The following TJP1 variants were observed in gnomAD, a reference collection of about 807,000 sequenced individuals.
TJP1 encodes the protein tight junction protein 1.
A neutral mutation model predicts 194.2 loss-of-function variants in TJP1; 43 were observed. The ratio of observed to expected loss-of-function variants is 0.22; its 90% CI spans 0.17 to 0.29. The LOEUF (loss-of-function observed/expected upper bound fraction) is 0.29. Among genes scored for constraint, TJP1 ranks in the 10% least tolerant of loss-of-function variants. TJP1 has a pLI of 1.00. For missense variants in TJP1, 1,971 were observed against 2,185.7 expected (o/e 0.90, Z 1.96); for synonymous variants, 801 against 779.0 (o/e 1.03, Z -0.47).
chr15:29,757,579 T>A (rs530554714), intron 8 of TJP1, among the ~76,000 whole-genome samples: 4 of 152,208 alleles, frequency 2.6e-5, no homozygotes, highest in African/African-American at 9.6e-5. Flanking sequence ...AGATTCAACT[T>A]TGGGGTGGAA....
chr15:29,929,479 A>G (rs966807654), intron 2 of TJP1, among the ~76,000 whole-genome samples: 1 of 152,130 alleles, frequency 6.6e-6, no homozygotes, highest in Admixed American at 6.5e-5. Context: ...AGTGGATGAC[A>G]TGAGGTCAGA....
intron 2 of TJP1, among the ~76,000 whole-genome samples, chr15:29,774,433 T>C (rs1225484077): frequency 6.6e-6 from 1 of 152,186 alleles, no homozygotes; most frequent in African/African-American, 2.4e-5. Context: ...TAAAAAGGAA[T>C]GAAGTACTCA....
At chr15:29,721,288 G>C (rs1045368928) in intron 18 of TJP1, among the ~76,000 whole-genome samples, 1 of 152,190 alleles carries the variant, frequency 6.6e-6, no homozygotes, top group African/African-American at 2.4e-5. Context: ...GATCATGGGG[G>C]TGGTTTCTAA....
chr15:29,916,451 T>C (rs1719336), intron 2 of TJP1, among the ~76,000 whole-genome samples: 98,151 of 151,662 alleles, frequency 0.65, 32,129 homozygotes, highest in East Asian at 0.84. Context: ...AATGAGCTCC[T>C]TTACATTTAA....
chr15:29,952,584 G>A (rs1242953359), intron 2 of TJP1, among the ~76,000 whole-genome samples: 1 of 152,068 alleles, frequency 6.6e-6, no homozygotes, highest in Non-Finnish European at 1.5e-5. Context: ...CACTTGCTAT[G>A]TTTTTCTAAA....
chr15:29,876,414 A>T (rs997250625), intron 2 of TJP1, among the ~76,000 whole-genome samples: 1 of 152,056 alleles, frequency 6.6e-6, no homozygotes, highest in African/African-American at 2.4e-5. Context: ...CCAGCTACTC[A>T]GGAGGCTGAG....
At chr15:29,844,596 A>G (rs772225200) in intron 2 of TJP1, among the ~76,000 whole-genome samples, 1 of 152,120 alleles carries the variant, frequency 6.6e-6, no homozygotes, top group Non-Finnish European at 1.5e-5. Context: ...GAAAGCGGGG[A>G]GTCAAGATTT....
chr15:29,846,800 C>T (rs1272298354), intron 2 of TJP1, among the ~76,000 whole-genome samples: 3 of 152,014 alleles, frequency 2.0e-5, no homozygotes, highest in Non-Finnish European at 4.4e-5. Flanking sequence ...GTGGCGGGTG[C>T]CTGTAGTCCC....
At chr15:29,805,427 T>C (rs1426344693) in intron 1 of TJP1, among the ~76,000 whole-genome samples, 1 of 152,140 alleles carries the variant, frequency 6.6e-6, no homozygotes, top group Non-Finnish European at 1.5e-5. Context: ...AAAGAGAAGA[T>C]ATAAAGTATA....
intron 2 of TJP1, among the ~76,000 whole-genome samples, chr15:29,889,992 C>T (rs919341692): frequency 2.0e-5 from 3 of 152,198 alleles, no homozygotes; most frequent in Admixed American, 1.3e-4. Context: ...TGTGTCCTTT[C>T]CTCTGCTCAA....
chr15:29,786,807 A>T (rs2047727602), intron 2 of TJP1, among the ~76,000 whole-genome samples: 1 of 152,166 alleles, frequency 6.6e-6, no homozygotes, highest in Admixed American at 6.5e-5. Flanking sequence ...AGCCACATTT[A>T]AAAACTGTAA....
intron 8 of TJP1, among the ~76,000 whole-genome samples, chr15:29,750,827 A>C (rs973263761): frequency 2.6e-5 from 4 of 152,244 alleles, no homozygotes; most frequent in Admixed American, 6.5e-5. Context: ...GTAGGCAAGA[A>C]CACCACAGTT....
chr15:29,869,813 T>C (rs1473159928), intron 2 of TJP1, among the ~76,000 whole-genome samples: 2 of 131,266 alleles, frequency 1.5e-5, no homozygotes, highest in African/African-American at 5.7e-5. Flanking sequence ...TTTTTTTTTT[T>C]TTTTTTTTTT....
chr15:29,846,821 G>C (rs2051429706), intron 2 of TJP1, among the ~76,000 whole-genome samples: 1 of 151,994 alleles, frequency 6.6e-6, no homozygotes, highest in South Asian at 2.1e-4. Context: ...AGCTACTCAG[G>C]AGGCTGCGGC....
At chr15:29,805,451 A>C (rs2049048737) in intron 1 of TJP1, among the ~76,000 whole-genome samples, 2 of 152,164 alleles carry the variant, frequency 1.3e-5, no homozygotes, top group South Asian at 4.2e-4. Context: ...CAAATGAAGA[A>C]CTCCTTAACA....
At chr15:29,920,386 T>A (rs2054319033) in intron 2 of TJP1, among the ~76,000 whole-genome samples, 1 of 152,160 alleles carries the variant, frequency 6.6e-6, no homozygotes, top group South Asian at 2.1e-4. Context: ...TACCCATGGG[T>A]CAGAGACAGG....
intron 2 of TJP1, among the ~76,000 whole-genome samples, chr15:29,949,268 ACCT>A (rs2055430381): frequency 9.9e-5 from 10 of 100,992 alleles, no homozygotes; most frequent in Non-Finnish European, 1.3e-4. Context: ...CACCACCACC[ACCT>A]CCATCACCTC....
intron 1 of TJP1, among the ~76,000 whole-genome samples, chr15:29,818,801 G>A (rs1393225151): frequency 6.7e-6 from 1 of 148,678 alleles, no homozygotes; most frequent in African/African-American, 2.5e-5. Flanking sequence ...CACCGCGCCC[G>A]GCCACGTTTT....
intron 1 of TJP1, among the ~76,000 whole-genome samples, chr15:29,811,939 T>C (rs1318733397): frequency 6.6e-6 from 1 of 152,176 alleles, no homozygotes; most frequent in Non-Finnish European, 1.5e-5. Context: ...AACAAGTAAA[T>C]AAATAAAATT....
Sources: gnomAD v4.1 joint callset for allele counts (sites outside exome capture counted in the v4.1 genomes callset) on GRCh38, gnomAD v4.1.1 for gene constraint, MANE v1.5 for transcripts, NCBI Gene and HGNC (gene_info 2026-07-23, HGNC 2026-07-21) for gene names.